The following CACNA1C variants were observed in gnomAD, a reference collection of about 807,000 sequenced individuals.
CACNA1C encodes the protein calcium voltage-gated channel subunit alpha1 C, also known as voltage-dependent L-type calcium channel subunit alpha-1C.
Under a neutral mutation model 229.0 loss-of-function variants are expected in CACNA1C, and 30 were observed. The ratio of observed to expected loss-of-function variants is 0.13; its 90% CI spans 0.10 to 0.18. The LOEUF (loss-of-function observed/expected upper bound fraction) is 0.18. Among genes scored for constraint, CACNA1C ranks in the 10% least tolerant of loss-of-function variants. The pLI, the probability that CACNA1C is intolerant of heterozygous loss-of-function variation, is 1.00. For synonymous variants in CACNA1C, 1,114 were observed against 1,132.5 expected (o/e 0.98, Z 0.33); for missense variants, 1,658 against 2,845.0 (o/e 0.58, Z 9.49).
At chr12:2,642,964 C>G (rs1352869743) in intron 30 of CACNA1C, among the ~76,000 whole-genome samples, 1 of 152,236 alleles carries the variant, frequency 6.6e-6, no homozygotes, top group African/African-American at 2.4e-5. Flanking sequence ...TCAGCCACTT[C>G]CAGCCAGCAA....
At chr12:2,076,151 G>GA (rs929601195) in intron 1 of CACNA1C, among the ~76,000 whole-genome samples, 10 of 152,040 alleles carry the variant, frequency 6.6e-5, no homozygotes, top group Non-Finnish European at 1.2e-4. Context: ...CCTGACTTGA[G>GA]AAAAAAAGAT....
chr12:2,563,240 C>T (rs2048434928), intron 11 of CACNA1C, among the ~76,000 whole-genome samples: 1 of 152,166 alleles, frequency 6.6e-6, no homozygotes, highest in East Asian at 1.9e-4. Context: ...AACAATATTC[C>T]ATTGTGTACA....
chr12:2,094,453 CA>C (rs1327088341), intron 1 of CACNA1C, among the ~76,000 whole-genome samples: 2 of 152,130 alleles, frequency 1.3e-5, no homozygotes, highest in Non-Finnish European at 2.9e-5. Context: ...GGTGGGCGAG[CA>C]GGGGCCTCCT....
chr12:2,425,986 A>T (rs1185733113), intron 3 of CACNA1C, among the ~76,000 whole-genome samples: 1 of 152,134 alleles, frequency 6.6e-6, no homozygotes, highest in African/African-American at 2.4e-5. Flanking sequence ...GGGGGAACAG[A>T]TGACTATGTT....
chr12:2,035,703 C>A (rs2049016564), intron 1 of CACNA1C, among the ~76,000 whole-genome samples: 1 of 152,210 alleles, frequency 6.6e-6, no homozygotes, highest in African/African-American at 2.4e-5. Context: ...ACAAATGCGA[C>A]AGGTGAGGGG....
At chr12:2,616,996 A>C (rs1480133904) in intron 29 of CACNA1C, among the ~76,000 whole-genome samples, 1 of 152,276 alleles carries the variant, frequency 6.6e-6, no homozygotes, top group Non-Finnish European at 1.5e-5. Flanking sequence ...GGATCAGCTA[A>C]GAATGGGGCA....
At chr12:2,417,239 T>C (rs1256443268) in intron 3 of CACNA1C, among the ~76,000 whole-genome samples, 3 of 152,210 alleles carry the variant, frequency 2.0e-5, no homozygotes, top group Non-Finnish European at 4.4e-5. Flanking sequence ...TACTCTGCGA[T>C]GCGGGTTGTA....
chr12:2,167,512 A>G (rs967253662), intron 3 of CACNA1C, among the ~76,000 whole-genome samples: 1 of 152,216 alleles, frequency 6.6e-6, no homozygotes, highest in African/African-American at 2.4e-5. Flanking sequence ...TTTAGCAGGC[A>G]TTTAATTTGA....
At chr12:2,640,741 A>G (rs1338330387) in intron 30 of CACNA1C, among the ~76,000 whole-genome samples, 1 of 152,190 alleles carries the variant, frequency 6.6e-6, no homozygotes, top group Non-Finnish European at 1.5e-5. Context: ...TTTCCACCAT[A>G]GGCCCCCAGG....
At chr12:2,238,097 G>A (rs1331614825) in intron 3 of CACNA1C, among the ~76,000 whole-genome samples, 1 of 152,160 alleles carries the variant, frequency 6.6e-6, no homozygotes, top group Non-Finnish European at 1.5e-5. Flanking sequence ...AGCCTTCGTC[G>A]TCAAAACAGA....
chr12:2,170,183 G>T (rs1566113235), intron 3 of CACNA1C, among the ~76,000 whole-genome samples: 2 of 152,176 alleles, frequency 1.3e-5, no homozygotes, highest in Non-Finnish European at 2.9e-5. Context: ...TTTCAGCTTG[G>T]CCAGGTCTGA....
At chr12:2,235,001 C>T (rs138490513) in intron 3 of CACNA1C, among the ~76,000 whole-genome samples, 1 of 152,260 alleles carries the variant, frequency 6.6e-6, no homozygotes, top group Non-Finnish European at 1.5e-5. Context: ...CTGCTATGAA[C>T]ACATAGCCTT....
intron 3 of CACNA1C, among the ~76,000 whole-genome samples, chr12:2,263,841 A>T (rs1436383645): frequency 6.6e-6 from 1 of 152,010 alleles, no homozygotes; most frequent in Non-Finnish European, 1.5e-5. Context: ...GGACATGCCA[A>T]GTTTGAGATG....
chr12:2,563,257 A>G (rs550737993), intron 11 of CACNA1C, among the ~76,000 whole-genome samples: 54 of 152,200 alleles, frequency 3.5e-4, no homozygotes, highest in Admixed American at 1.3e-3. Flanking sequence ...TACATGTACC[A>G]CATTTTCTTC....
chr12:2,039,651 C>T (rs1203889133), intron 1 of CACNA1C, among the ~76,000 whole-genome samples: 2 of 152,094 alleles, frequency 1.3e-5, no homozygotes, highest in Non-Finnish European at 2.9e-5. Context: ...ATAGAGATAG[C>T]GGTAGGCTCT....
At chr12:2,323,411 G>A (rs192191246) in intron 3 of CACNA1C, among the ~76,000 whole-genome samples, 313 of 152,328 alleles carry the variant, frequency 2.1e-3, no homozygotes, top group Admixed American at 3.8e-3. Context: ...AAAGACCAAG[G>A]GAGGAAGTTG....
intron 42 of CACNA1C, among the ~76,000 whole-genome samples, chr12:2,681,032 T>G (rs898235492): frequency 1.3e-5 from 2 of 152,068 alleles, no homozygotes; most frequent in African/African-American, 4.8e-5. Context: ...GCAACCTCAC[T>G]CCCCTTCCAC....
intron 3 of CACNA1C, among the ~76,000 whole-genome samples, chr12:2,419,904 G>C (rs1595798195): frequency 6.6e-6 from 1 of 152,110 alleles, no homozygotes; most frequent in South Asian, 2.1e-4. Context: ...GGGTGCCGGG[G>C]CCCAGCCTGC....
intron 3 of CACNA1C, among the ~76,000 whole-genome samples, chr12:2,283,298 G>A (rs553734403): frequency 2.0e-5 from 3 of 152,178 alleles, no homozygotes; most frequent in Non-Finnish European, 2.9e-5. Context: ...CTGCAAGGGA[G>A]GCTGACAAAG....
Sources: gnomAD v4.1 joint callset for allele counts (sites outside exome capture counted in the v4.1 genomes callset) on GRCh38, gnomAD v4.1.1 for gene constraint, MANE v1.5 for transcripts, NCBI Gene and HGNC (gene_info 2026-07-23, HGNC 2026-07-21) for gene names.